LRMDA: variants seen among roughly 807,000 people sequenced by gnomAD.
LRMDA encodes the protein leucine rich melanocyte differentiation associated.
Under a neutral mutation model 29.8 loss-of-function variants are expected in LRMDA, and 18 were observed. That is an observed-to-expected ratio of 0.60 (90% CI 0.42 to 0.90). The LOEUF (loss-of-function observed/expected upper bound fraction) is 0.90, where lower values mean the gene tolerates loss of function less well. Among genes scored for constraint, LRMDA ranks in the 40% least tolerant of loss-of-function variants. The pLI, the probability that LRMDA is intolerant of heterozygous loss-of-function variation, is 0.00. For synonymous variants in LRMDA, 125 were observed against 109.4 expected (o/e 1.14, Z -0.89); for missense variants, 273 against 273.9 (o/e 1.00, Z 0.02).
At chr10:76,006,983 CGTGTGTGTGTGTGTGTGTGTGTGTGT>C in intron 2 of LRMDA, among the ~76,000 whole-genome samples, 1 of 116,208 alleles carries the variant, frequency 8.6e-6, no homozygotes, top group South Asian at 3.3e-4. Context: ...ATGGAGAAGG[CGTGTGTGTGTGTGTGTGTGTGTGTGT>C]GTGTGTGTGT....
intron 2 of LRMDA, among the ~76,000 whole-genome samples, chr10:75,520,878 C>T (rs1205064850): frequency 6.6e-6 from 1 of 152,070 alleles, no homozygotes; most frequent in Non-Finnish European, 1.5e-5. Context: ...TGTGGATGCC[C>T]TTTTTGTTGA....
chr10:75,813,093 G>A (rs1248965866), intron 2 of LRMDA, among the ~76,000 whole-genome samples: 1 of 152,188 alleles, frequency 6.6e-6, no homozygotes, highest in Non-Finnish European at 1.5e-5. Context: ...CAGCAGACAA[G>A]TGAGGGATCA....
At chr10:76,546,769 CTGTT>C (rs145839028) in intron 6 of LRMDA, among the ~76,000 whole-genome samples, 10,064 of 152,016 alleles carry the variant, frequency 0.066, 943 homozygotes, top group African/African-American at 0.21. Flanking sequence ...ACCTTTATTG[CTGTT>C]TGTTTGTTTG....
intron 5 of LRMDA, among the ~76,000 whole-genome samples, chr10:76,277,309 C>T (rs2014663010): frequency 6.6e-6 from 1 of 152,086 alleles, no homozygotes; most frequent in South Asian, 2.1e-4. Context: ...TCTCCATAAG[C>T]CACTGGCTTT....
intron 6 of LRMDA, among the ~76,000 whole-genome samples, chr10:76,415,067 C>G (rs1405918096): frequency 6.6e-6 from 1 of 152,246 alleles, no homozygotes. Context: ...TCTTGGGAGC[C>G]TGTCAGAGGG....
At chr10:76,259,079 C>T (rs2132306408) in intron 5 of LRMDA, among the ~76,000 whole-genome samples, 1 of 152,256 alleles carries the variant, frequency 6.6e-6, no homozygotes, top group South Asian at 2.1e-4. Flanking sequence ...TACATTCCCA[C>T]CAACAGTGTA....
chr10:75,583,776 C>T (rs866531291), intron 2 of LRMDA, among the ~76,000 whole-genome samples: 9 of 152,148 alleles, frequency 5.9e-5, no homozygotes, highest in African/African-American at 1.9e-4. Flanking sequence ...TCTCACATTG[C>T]ACCAAATCAG....
chr10:76,380,793 A>T (rs1841581226), intron 6 of LRMDA, among the ~76,000 whole-genome samples: 1 of 151,842 alleles, frequency 6.6e-6, no homozygotes, highest in South Asian at 2.1e-4. Context: ...CATTACTGTA[A>T]TATTTTTCTC....
At chr10:76,436,493 C>T (rs572061943) in intron 6 of LRMDA, among the ~76,000 whole-genome samples, 20 of 152,300 alleles carry the variant, frequency 1.3e-4, no homozygotes, top group African/African-American at 2.2e-4. Flanking sequence ...ACCTTCTCTA[C>T]GGGTTTCAAA....
chr10:76,235,765 C>A (rs566149544), intron 5 of LRMDA, among the ~76,000 whole-genome samples: 20 of 152,100 alleles, frequency 1.3e-4, no homozygotes, highest in African/African-American at 4.6e-4. Context: ...AACTGTATGA[C>A]GAATAAGGGT....
chr10:76,386,693 A>G (rs1841663910), intron 6 of LRMDA, among the ~76,000 whole-genome samples: 1 of 152,214 alleles, frequency 6.6e-6, no homozygotes, highest in Non-Finnish European at 1.5e-5. Flanking sequence ...CTAATATTGC[A>G]ATTCTATAAA....
At chr10:75,434,618 G>T (rs537667032) in intron 1 of LRMDA, among the ~76,000 whole-genome samples, 45 of 152,290 alleles carry the variant, frequency 3.0e-4, no homozygotes, top group African/African-American at 1.1e-3. Context: ...ATAAGGTCTT[G>T]CTCTGTTGCC....
intron 6 of LRMDA, among the ~76,000 whole-genome samples, chr10:76,369,601 T>G (rs1232956422): frequency 6.6e-6 from 1 of 152,208 alleles, no homozygotes; most frequent in Non-Finnish European, 1.5e-5. Context: ...GGCAGAGATC[T>G]TTTTGTGATT....
At chr10:76,450,067 T>C (rs1466620812) in intron 6 of LRMDA, among the ~76,000 whole-genome samples, 1 of 152,108 alleles carries the variant, frequency 6.6e-6, no homozygotes, top group Non-Finnish European at 1.5e-5. Context: ...CTTGAGTTCT[T>C]GATTTCTCTT....
At chr10:75,486,576 GC>G (rs1001010222) in intron 2 of LRMDA, among the ~76,000 whole-genome samples, 2 of 152,120 alleles carry the variant, frequency 1.3e-5, no homozygotes, top group Admixed American at 6.6e-5. Context: ...AAAGCTTTAT[GC>G]AGGAGATGAG....
At chr10:76,207,152 G>A (rs982681437) in intron 5 of LRMDA, among the ~76,000 whole-genome samples, 15 of 148,174 alleles carry the variant, frequency 1.0e-4, no homozygotes, top group South Asian at 2.2e-4. Context: ...TGAATCAGCC[G>A]GGGAAACCCA....
intron 2 of LRMDA, among the ~76,000 whole-genome samples, chr10:75,733,423 C>T (rs1020023284): frequency 1.3e-5 from 2 of 152,200 alleles, no homozygotes; most frequent in Non-Finnish European, 2.9e-5. Flanking sequence ...ATTTGTCATG[C>T]TTATCTGTCT....
At chr10:75,975,441 G>A (rs929356537) in intron 2 of LRMDA, among the ~76,000 whole-genome samples, 30 of 152,204 alleles carry the variant, frequency 2.0e-4, no homozygotes, top group African/African-American at 5.8e-4. Flanking sequence ...TAGAGGAATC[G>A]TCTCTGTGGA....
At chr10:76,145,463 C>G (rs1850296620) in intron 5 of LRMDA, among the ~76,000 whole-genome samples, 1 of 152,096 alleles carries the variant, frequency 6.6e-6, no homozygotes, top group African/African-American at 2.4e-5. Flanking sequence ...TCTAGATTTT[C>G]TAGTTTATTT....
Sources: allele counts gnomAD v4.1 joint callset (sites outside exome capture counted in the v4.1 genomes callset), GRCh38; gene constraint gnomAD v4.1.1; transcripts MANE v1.5; gene names NCBI Gene and HGNC (gene_info 2026-07-23, HGNC 2026-07-21).